The following MAGEA11 variants were observed in gnomAD, a reference collection of about 807,000 sequenced individuals.
The protein encoded by MAGEA11 is melanoma-associated antigen 11.
Under a neutral mutation model 8.4 loss-of-function variants are expected in MAGEA11, and 1 was observed. The ratio of observed to expected loss-of-function variants is 0.12; its 90% CI spans 0.04 to 0.57. The LOEUF (loss-of-function observed/expected upper bound fraction) is 0.57, where lower values mean the gene tolerates loss of function less well. MAGEA11 is among the 20% of genes least tolerant of loss of function. The probability of loss-of-function intolerance (pLI) is 0.91; values close to 1 mark genes in which losing one functional copy is unlikely to be tolerated. For synonymous variants in MAGEA11, 127 were observed against 119.3 expected, an observed-to-expected ratio of 1.06 and a Z score of -0.42; for missense variants, 209 against 317.3, an observed-to-expected ratio of 0.66 and a Z score of 2.59.
Position 149,715,856 on chromosome X carries a change from G to A in MAGEA11, c.370G>A (p.Glu124Lys). Reference protein sequence around the residue: ...EQRSQHCKPEEGLQAQEEDLG... With the variant: ...EQRSQHCKPEKGLQAQEEDLG... ...AAGAAGTCAGCACTGCAAGCCTGAG[G>A]AAGGCCTTCAGGCCCAAGAAGAAGA... Residue 124 changes from glutamate to lysine, a missense_variant, in exon 5 of 5, where the codon GAA becomes AAA. Glu to Lys is a moderately conservative substitution (Grantham distance 56). This residue lies in a region of MAGEA11 where 131 missense variants were observed against 138.5 expected (regional missense o/e 0.95). Coordinates refer to ENST00000355220, the MANE Select transcript of MAGEA11 (RefSeq NM_005366.5). The A allele has an allele frequency of 8.3e-7, 1 of 1,211,207 alleles. No homozygotes were observed. The highest frequency in any genetic ancestry group is 1.1e-6 in the Non-Finnish European group (1 of 895,241).
In MAGEA11 at chrX:149,714,274, C is replaced by G. The variant is rs782080370; in HGVS notation, c.97-207C>G. Reference sequence around the variant, plus strand: ...TGGGAAACCTTCAGGGAGATGAGGTCTTGGTGTAAAGGGATATGTCTGCTC... The same window carrying G: ...TGGGAAACCTTCAGGGAGATGAGGTGTTGGTGTAAAGGGATATGTCTGCTC... On this transcript the variant is annotated intron_variant, in intron 2 of 4. Transcript: ENST00000355220. 41 of 526,694 alleles carry G rather than the reference C, an allele frequency of 7.8e-5. No homozygotes were observed. The South Asian group carries it at 1.8e-3, about 23-fold the overall frequency. The allele number at this position is 526,694 out of a possible 1,213,427, so 43.4% of individuals were successfully genotyped here.
intron 1 of MAGEA11, among the ~76,000 whole-genome samples, chrX:149,699,531 T>A (rs1388832198): frequency 8.9e-6 from 1 of 111,759 alleles, no homozygotes; most frequent in African/African-American, 3.3e-5. Flanking sequence ...TTATTGAAGC[T>A]GTGCAACAAA....
In MAGEA11 at chrX:149,716,096, G is replaced by A. The variant is rs782778956; in HGVS notation, c.610G>A (p.Gly204Arg). Residue 204 changes from glycine to arginine, a missense_variant, in exon 5 of 5, where the codon GGG becomes AGG. By Grantham distance (125) the Gly-to-Arg change is moderately radical. Coordinates refer to ENST00000355220, the MANE Select transcript of MAGEA11 (RefSeq NM_005366.5). ...GGGCTCTGGCAGCCAAGAAAAGGAG[G>A]GGCCAAGTACCTCGCCTGACCTGAT... ...DEGSGSQEKE[G>R]PSTSPDLIDP... 1.4e-5 allele frequency: 17 copies of A among 1,210,211 alleles called. No homozygotes were observed. Among genetic ancestry groups the A allele is most frequent in the Non-Finnish European group, 1.9e-5 (17 of 895,270 alleles).
At chrX:149,701,928 C>A in intron 1 of MAGEA11, among the ~76,000 whole-genome samples, 1 of 111,832 alleles carries the variant, frequency 8.9e-6, no homozygotes, top group Middle Eastern at 4.2e-3. Flanking sequence ...TGATCTATAT[C>A]TCTGTTTTGG....
intron 3 of MAGEA11, among the ~76,000 whole-genome samples, chrX:149,715,278 C>T (rs782698521): frequency 8.9e-6 from 1 of 111,891 alleles, no homozygotes; most frequent in Non-Finnish European, 1.9e-5. Context: ...CAGAGTTTGG[C>T]CCACCTTTCT....
chrX:149,688,657 C>CATATACAT (rs2090296800), upstream of MAGEA11, among the ~76,000 whole-genome samples: 1 of 98,800 alleles, frequency 1.0e-5, no homozygotes, highest in African/African-American at 3.8e-5. Context: ...TACATATACA[C>CATATACAT]ATACATATAC....
In MAGEA11 at chrX:149,716,830, A is replaced by C. The variant is rs1557362579; in HGVS notation, c.*54A>C. 2 of 1,066,321 alleles carry C rather than the reference A, an allele frequency of 1.9e-6. No homozygotes were observed. Among genetic ancestry groups the C allele is most frequent in the African/African-American group, 3.7e-5 (2 of 53,349 alleles). 87.9% of individuals were successfully genotyped at this position (1,066,321 alleles called of 1,213,427 possible). ...AGGGAAATGGGCCAATGCATGCTTC[A>C]GGGCCACACCCAGCAGTTTCCCTGT... On this transcript the variant is annotated 3_prime_UTR_variant, in exon 5 of 5. Coordinates refer to ENST00000355220, the MANE Select transcript of MAGEA11 (RefSeq NM_005366.5).
rs782677628 is a variant in MAGEA11 at position 149,712,169 on chromosome X, G to T, written c.-18+7G>T. ...GGCTCCATGAGGAGGCAAGGTGAGA[G>T]CTGAGGGAGGACTGAGGAGTCCTCC... On this transcript the variant is annotated splice_region_variant and intron_variant, in intron 1 of 4. Coordinates refer to ENST00000355220, the MANE Select transcript of MAGEA11 (RefSeq NM_005366.5). The T allele has an allele frequency of 2.7e-6, 2 of 746,171 alleles. No homozygotes were observed. The highest frequency in any genetic ancestry group is 3.2e-6 in the Non-Finnish European group (2 of 634,703). The allele number at this position is 746,171 out of a possible 1,213,427, so 61.5% of individuals were successfully genotyped here.
chrX:149,709,461 T>G (rs782160214), upstream of MAGEA11, among the ~76,000 whole-genome samples: 2 of 111,712 alleles, frequency 1.8e-5, no homozygotes, highest in East Asian at 5.6e-4. Context: ...AGCAAACTCT[T>G]AAAAACCATA....
At chrX:149,707,102 T>C (rs1458310264), upstream of MAGEA11, among the ~76,000 whole-genome samples, 2 of 111,842 alleles carry the variant, frequency 1.8e-5, no homozygotes, top group Admixed American at 9.4e-5. Flanking sequence ...AATTAGAAGA[T>C]AGTGGGAGCA....
upstream of MAGEA11, among the ~76,000 whole-genome samples, chrX:149,711,467 C>T (rs2090399811): frequency 8.9e-6 from 1 of 111,789 alleles, no homozygotes; most frequent in South Asian, 3.7e-4. Context: ...TCCCAGAGGT[C>T]ACTACAATCA....
intron 1 of MAGEA11, among the ~76,000 whole-genome samples, chrX:149,704,864 T>C (rs2090369858): frequency 8.9e-6 from 1 of 112,731 alleles, no homozygotes. Context: ...GGCAACCAGA[T>C]ACATGGTGGG....
upstream of MAGEA11, among the ~76,000 whole-genome samples, chrX:149,710,090 G>A (rs4893124): frequency 0.42 from 46,722 of 110,861 alleles, 7,556 homozygotes; most frequent in Non-Finnish European, 0.48. Flanking sequence ...AATAAGAGAC[G>A]TGTGAAAAAT....
intron 1 of MAGEA11, among the ~76,000 whole-genome samples, chrX:149,693,320 G>A (rs781804978): frequency 8.9e-6 from 1 of 112,057 alleles, no homozygotes; most frequent in Non-Finnish European, 1.9e-5. Flanking sequence ...AGGGAAGTGT[G>A]TGGTCAATTT....
upstream of MAGEA11, among the ~76,000 whole-genome samples, chrX:149,711,557 A>G (rs2090400193): frequency 8.9e-6 from 1 of 111,756 alleles, no homozygotes; most frequent in African/African-American, 3.3e-5. Context: ...GGCAATGCTC[A>G]GAGGTGACAG....
At chrX:149,708,028 A>C (rs950013130), upstream of MAGEA11, among the ~76,000 whole-genome samples, 23 of 112,480 alleles carry the variant, frequency 2.0e-4, no homozygotes, top group Non-Finnish European at 3.2e-4. Context: ...GACCTTTGTC[A>C]GATGCGTAGT....
chrX:149,711,519 C>T (rs1445308548), upstream of MAGEA11, among the ~76,000 whole-genome samples: 1 of 111,790 alleles, frequency 8.9e-6, no homozygotes, highest in Admixed American at 9.5e-5. Context: ...CTGGGATCCG[C>T]AGCTATTGTC....
chrX:149,708,804 G>A (rs781958317), upstream of MAGEA11, among the ~76,000 whole-genome samples: 1 of 111,328 alleles, frequency 9.0e-6, no homozygotes, highest in Non-Finnish European at 1.9e-5. Context: ...CATTTGAGAC[G>A]TGGGGTAGGT....
At chrX:149,705,432 A>G (rs2090373277) in intron 1 of MAGEA11, among the ~76,000 whole-genome samples, 1 of 112,252 alleles carries the variant, frequency 8.9e-6, no homozygotes, top group South Asian at 3.7e-4. Flanking sequence ...GCCTTCCGCC[A>G]TCATTGTGAG....
Sources: gnomAD v4.1 joint callset for allele counts (sites outside exome capture counted in the v4.1 genomes callset) on GRCh38, gnomAD v4.1.1 for gene constraint, gnomAD v4.1.1 regional missense constraint, MANE v1.5 for transcripts, NCBI Gene and HGNC (gene_info 2026-07-23, HGNC 2026-07-21) for gene names.